The following LINGO2 variants were observed in gnomAD, a reference collection of about 807,000 sequenced individuals.
LINGO2 encodes leucine rich repeat and Ig domain containing 2.
LINGO2 carries 14 observed loss-of-function variants against 30.6 expected under a neutral mutation model. That is an observed-to-expected ratio of 0.46 (90% CI 0.30 to 0.72). LINGO2 has a LOEUF of 0.72. Ranked by LOEUF, LINGO2 falls within the 30% of genes least tolerant of loss-of-function variation. LINGO2 has a pLI of 0.07. For synonymous variants in LINGO2, 317 were observed against 288.5 expected (o/e 1.10, Z -1.00); for missense variants, 729 against 751.7 (o/e 0.97, Z 0.35).
the LINGO2 span, among the ~76,000 whole-genome samples, chr9:28,882,413 G>A: frequency 3.3e-5 from 5 of 152,104 alleles, no homozygotes; most frequent in Non-Finnish European, 7.4e-5. Context: ...TGAGAAGTTT[G>A]GAAACAATGA....
exon 6 of LINGO2, chr9:27,949,460 G>A (rs1362250920): frequency 8.7e-6 from 14 of 1,613,988 alleles, no homozygotes; most frequent in Non-Finnish European, 1.2e-5. Context: ...TGCAGGTAAA[G>A]TAAAAAGAAA....
chr9:28,484,203 C>T (rs1039354478), intron 1 of LINGO2, among the ~76,000 whole-genome samples: 1 of 151,954 alleles, frequency 6.6e-6, no homozygotes, highest in Non-Finnish European at 1.5e-5. Flanking sequence ...AAGTAATAAG[C>T]GACTCAGTTT....
chr9:28,992,352 C>G, the LINGO2 span, among the ~76,000 whole-genome samples: 1 of 151,990 alleles, frequency 6.6e-6, no homozygotes, highest in Non-Finnish European at 1.5e-5. Flanking sequence ...ACGGGAGCAC[C>G]CAAATTCATA....
chr9:28,368,054 G>GTATCTC (rs1163201419), intron 3 of LINGO2, among the ~76,000 whole-genome samples: 20 of 150,854 alleles, frequency 1.3e-4, no homozygotes, highest in East Asian at 5.8e-4. Context: ...CTCTATCTCT[G>GTATCTC]TATCTCTATC....
the LINGO2 span, chr9:28,889,041 T>C: frequency 2.3e-6 from 1 of 429,144 alleles, no homozygotes; most frequent in Non-Finnish European, 5.0e-6. Context: ...TCTGTTCCCC[T>C]GGAGTATCTT....
chr9:28,285,591 G>A (rs1393109994), intron 4 of LINGO2, among the ~76,000 whole-genome samples: 3 of 151,758 alleles, frequency 2.0e-5, no homozygotes, highest in African/African-American at 7.3e-5. Flanking sequence ...ATTTTTAGTA[G>A]AGACGGGGTT....
At chr9:28,865,239 AC>A in the LINGO2 span, among the ~76,000 whole-genome samples, 1 of 152,170 alleles carries the variant, frequency 6.6e-6, no homozygotes, top group South Asian at 2.1e-4. Flanking sequence ...AGTGAGCATC[AC>A]CAGATCAGAG....
At chr9:28,897,987 T>G in the LINGO2 span, among the ~76,000 whole-genome samples, 1 of 152,122 alleles carries the variant, frequency 6.6e-6, no homozygotes, top group Non-Finnish European at 1.5e-5. Context: ...TTAGAAATAT[T>G]CAGAAGAGGA....
chr9:28,518,550 T>C (rs1472312995), intron 1 of LINGO2, among the ~76,000 whole-genome samples: 1 of 152,156 alleles, frequency 6.6e-6, no homozygotes, highest in African/African-American at 2.4e-5. Flanking sequence ...AAAATGTTCA[T>C]GTGAAAGATG....
intron 1 of LINGO2, among the ~76,000 whole-genome samples, chr9:28,641,450 A>C (rs917580717): frequency 6.6e-6 from 1 of 152,188 alleles, no homozygotes; most frequent in Non-Finnish European, 1.5e-5. Context: ...ACTGGCCCCA[A>C]GAAAGTCACT....
chr9:28,315,862 G>A (rs573424790), intron 3 of LINGO2, among the ~76,000 whole-genome samples: 5 of 152,206 alleles, frequency 3.3e-5, no homozygotes, highest in South Asian at 2.1e-4. Context: ...TCTTAGTATA[G>A]GGTATAATAA....
At chr9:28,621,271 GT>G (rs1455884005) in intron 1 of LINGO2, among the ~76,000 whole-genome samples, 2 of 151,658 alleles carry the variant, frequency 1.3e-5, no homozygotes, top group Non-Finnish European at 2.9e-5. Flanking sequence ...ATTATGAGTG[GT>G]TTAATTATCT....
chr9:27,997,943 G>A (rs1480365263), intron 5 of LINGO2, among the ~76,000 whole-genome samples: 1 of 130,404 alleles, frequency 7.7e-6, no homozygotes, highest in African/African-American at 2.8e-5. Flanking sequence ...GGATTCACAT[G>A]AGCCTTTTTT....
At chr9:28,988,085 T>C in the LINGO2 span, among the ~76,000 whole-genome samples, 5 of 152,194 alleles carry the variant, frequency 3.3e-5, no homozygotes, top group Admixed American at 2.0e-4. Context: ...TGTTTCCTTA[T>C]TAATTTTCTG....
the LINGO2 span, among the ~76,000 whole-genome samples, chr9:28,680,893 G>C: frequency 2.0e-5 from 3 of 152,028 alleles, no homozygotes; most frequent in Admixed American, 2.0e-4. Context: ...TATGTGGCTT[G>C]TAAATATTAC....
chr9:28,241,718 C>G (rs1335726080), intron 4 of LINGO2, among the ~76,000 whole-genome samples: 6 of 152,150 alleles, frequency 3.9e-5, no homozygotes, highest in African/African-American at 9.7e-5. Context: ...TAGAAGTGTT[C>G]CTACTGTCAT....
intron 1 of LINGO2, among the ~76,000 whole-genome samples, chr9:28,485,887 GA>G (rs1190017131): frequency 1.3e-5 from 2 of 151,978 alleles, no homozygotes; most frequent in South Asian, 2.1e-4. Flanking sequence ...GATATAAGTG[GA>G]AAAAAATATC....
At chr9:27,957,760 C>CA (rs1266727385) in intron 5 of LINGO2, among the ~76,000 whole-genome samples, 2 of 152,044 alleles carry the variant, frequency 1.3e-5, no homozygotes, top group Non-Finnish European at 2.9e-5. Context: ...GTGATATTGA[C>CA]AAAAAATGTG....
the LINGO2 span, among the ~76,000 whole-genome samples, chr9:28,867,860 G>A: frequency 2.0e-5 from 3 of 151,964 alleles, no homozygotes; most frequent in African/African-American, 7.2e-5. Context: ...AGAAAATTAG[G>A]TAAAAACATA....
Sources: gnomAD v4.1 joint callset for allele counts (sites outside exome capture counted in the v4.1 genomes callset) on GRCh38, gnomAD v4.1.1 for gene constraint, MANE v1.5 for transcripts, NCBI Gene and HGNC (gene_info 2026-07-23, HGNC 2026-07-21) for gene names.